Variants in ROBO2 observed in about 807,000 individuals in gnomAD.
ROBO2 encodes the protein roundabout guidance receptor 2, also known as roundabout homolog 2.
ROBO2 carries 53 observed loss-of-function variants against 160.8 expected under a neutral mutation model. That is an observed-to-expected ratio of 0.33 (90% CI 0.26 to 0.41). The LOEUF is 0.41. Among genes scored for constraint, ROBO2 ranks in the 10% least tolerant of loss-of-function variants. The pLI, the probability that ROBO2 is intolerant of heterozygous loss-of-function variation, is 1.00. For missense variants in ROBO2, 1,577 were observed against 1,722.4 expected, an observed-to-expected ratio of 0.92 and a Z score of 1.49; for synonymous variants, 664 against 611.7, an observed-to-expected ratio of 1.09 and a Z score of -1.26.
chr3:77,369,114 A>T (rs2071377632), intron 2 of ROBO2, among the ~76,000 whole-genome samples: 1 of 152,154 alleles, frequency 6.6e-6, no homozygotes, highest in Non-Finnish European at 1.5e-5. Context: ...ATGTTGTCTA[A>T]GGTGGCCTCT....
intron 1 of ROBO2, among the ~76,000 whole-genome samples, chr3:77,058,363 A>C (rs2149744751): frequency 6.6e-6 from 1 of 152,282 alleles, no homozygotes; most frequent in Non-Finnish European, 1.5e-5. Flanking sequence ...AATTTTAAAT[A>C]AAATATTATT....
chr3:76,880,817 ATAG>A (rs1250978160), intron 2 of ROBO2, among the ~76,000 whole-genome samples: 5 of 152,216 alleles, frequency 3.3e-5, no homozygotes, highest in African/African-American at 4.8e-5. Flanking sequence ...GATCAAACTA[ATAG>A]GCATTTTAAG....
At chr3:77,408,392 AC>A (rs2153518733) in intron 2 of ROBO2, among the ~76,000 whole-genome samples, 1 of 152,242 alleles carries the variant, frequency 6.6e-6, no homozygotes, top group Non-Finnish European at 1.5e-5. Context: ...CTTTTTTATT[AC>A]CCTAGTCTTA....
chr3:77,053,011 G>T (rs1316917118), intron 1 of ROBO2, among the ~76,000 whole-genome samples: 3 of 152,092 alleles, frequency 2.0e-5, no homozygotes, highest in Admixed American at 6.6e-5. Flanking sequence ...CTATAGGCTG[G>T]TTCAGCATAT....
chr3:77,283,680 T>A (rs2060395538), intron 2 of ROBO2, among the ~76,000 whole-genome samples: 1 of 152,180 alleles, frequency 6.6e-6, no homozygotes, highest in Non-Finnish European at 1.5e-5. Flanking sequence ...TTTCCCAGTA[T>A]AAGTTTTCAC....
intron 2 of ROBO2, among the ~76,000 whole-genome samples, chr3:76,491,527 G>A (rs556659413): frequency 6.6e-6 from 1 of 152,250 alleles, no homozygotes; most frequent in South Asian, 2.1e-4. Context: ...AATCAGAAAT[G>A]TGCTGCCTGG....
chr3:76,092,379 G>A (rs2069270999), intron 2 of ROBO2, among the ~76,000 whole-genome samples: 1 of 152,086 alleles, frequency 6.6e-6, no homozygotes, highest in Non-Finnish European at 1.5e-5. Flanking sequence ...TTATATGTCT[G>A]TTCTTGATTC....
At chr3:76,303,837 C>G (rs2071191072) in intron 2 of ROBO2, among the ~76,000 whole-genome samples, 1 of 152,126 alleles carries the variant, frequency 6.6e-6, no homozygotes, top group African/African-American at 2.4e-5. Context: ...TCAGCCTTAC[C>G]TTTTTGTCTC....
chr3:76,543,220 A>G (rs1388065260), intron 2 of ROBO2, among the ~76,000 whole-genome samples: 3 of 152,192 alleles, frequency 2.0e-5, no homozygotes, highest in Non-Finnish European at 4.4e-5. Context: ...TTATGGACTG[A>G]ATTGTGTTGT....
chr3:77,509,818 G>A (rs1277544005), intron 5 of ROBO2, among the ~76,000 whole-genome samples: 1 of 152,056 alleles, frequency 6.6e-6, no homozygotes, highest in Non-Finnish European at 1.5e-5. Flanking sequence ...TCAAGTAACT[G>A]TACTAAGTTC....
chr3:77,316,283 G>A (rs552963019), intron 2 of ROBO2, among the ~76,000 whole-genome samples: 4 of 152,242 alleles, frequency 2.6e-5, no homozygotes, highest in South Asian at 2.1e-4. Context: ...AAGAGGTGAC[G>A]ACGATGAACT....
intron 2 of ROBO2, among the ~76,000 whole-genome samples, chr3:76,771,801 A>G (rs1296158540): frequency 2.0e-5 from 3 of 150,776 alleles, no homozygotes; most frequent in Non-Finnish European, 4.4e-5. Context: ...CTAATGAGGA[A>G]AAATCTACTG....
intron 2 of ROBO2, among the ~76,000 whole-genome samples, chr3:76,367,970 T>G (rs1032766503): frequency 6.6e-6 from 1 of 151,854 alleles, no homozygotes; most frequent in African/African-American, 2.4e-5. Context: ...TAAAAAACAT[T>G]AATGTTCTAA....
At chr3:76,554,579 T>C (rs1243729601) in intron 2 of ROBO2, among the ~76,000 whole-genome samples, 1 of 152,132 alleles carries the variant, frequency 6.6e-6, no homozygotes, top group African/African-American at 2.4e-5. Context: ...CAAACAGCCC[T>C]GTGTAAACTG....
rs568346733 is a variant in ROBO2, at chr3:77,333,806, G to T, written c.389-143608G>T. Among the ~76,000 whole-genome samples, 5 of 152,192 alleles carry T rather than the reference G, an allele frequency of 3.3e-5. No individual in the cohort carries two copies. In the South Asian group the frequency reaches 1.0e-3, roughly 32 times the overall value. On this transcript the variant is annotated intron_variant, in intron 2 of 25. Transcript: ENST00000461745. ...GAGTAATTACTTATAGCTTAGGTTG[G>T]GATGGACACTTTTCAGGAAGAAAAT...
At chr3:76,191,951 C>T (rs981082195) in intron 2 of ROBO2, among the ~76,000 whole-genome samples, 2 of 152,040 alleles carry the variant, frequency 1.3e-5, no homozygotes, top group Non-Finnish European at 2.9e-5. Context: ...CAGGGTGAAA[C>T]TCCAGTGCTC....
At chr3:76,484,288 G>A (rs545419187) in intron 2 of ROBO2, among the ~76,000 whole-genome samples, 1 of 152,026 alleles carries the variant, frequency 6.6e-6, no homozygotes. Context: ...TATTGGAGAG[G>A]GAAAAATGGT....
intron 2 of ROBO2, among the ~76,000 whole-genome samples, chr3:77,165,571 T>TAAAA (rs58426930): frequency 0.01 from 1,538 of 150,544 alleles, 14 homozygotes; most frequent in Middle Eastern, 0.017. Flanking sequence ...AAAAATAAAT[T>TAAAA]AAAAAAAAAA....
intron 2 of ROBO2, among the ~76,000 whole-genome samples, chr3:76,941,401 CT>C (rs2078177268): frequency 6.6e-6 from 1 of 152,150 alleles, no homozygotes; most frequent in Admixed American, 6.6e-5. Flanking sequence ...GTATACCCCA[CT>C]ATAATACAAA....
Sources: allele counts gnomAD v4.1 joint callset (sites outside exome capture counted in the v4.1 genomes callset), GRCh38; gene constraint gnomAD v4.1.1; transcripts MANE v1.5; gene names NCBI Gene and HGNC (gene_info 2026-07-23, HGNC 2026-07-21).